CEP170: variants seen among roughly 807,000 people sequenced by gnomAD.
CEP170 encodes centrosomal protein of 170 kDa.
Under a neutral mutation model 151.9 loss-of-function variants are expected in CEP170, and 21 were observed. The ratio of observed to expected loss-of-function variants is 0.14; its 90% CI spans 0.10 to 0.20. The LOEUF is 0.20. CEP170 is among the 10% of genes least tolerant of loss of function. CEP170 has a pLI of 1.00. For missense variants in CEP170, 964 were observed against 1,892.9 expected (o/e 0.51, Z 9.11); for synonymous variants, 356 against 648.8 (o/e 0.55, Z 6.86).
At chr1:243,138,368 C>T (rs2055391104) in intron 16 of CEP170, among the ~76,000 whole-genome samples, 1 of 149,836 alleles carries the variant, frequency 6.7e-6, no homozygotes, top group Admixed American at 6.6e-5. Flanking sequence ...TAGTATACTT[C>T]AGTTGTAACT....
chr1:243,212,507 A>G (rs1558603908), intron 3 of CEP170, among the ~76,000 whole-genome samples: 1 of 152,134 alleles, frequency 6.6e-6, no homozygotes, highest in Non-Finnish European at 1.5e-5. Flanking sequence ...GGTTTCAGTG[A>G]TCTTATTTTT....
rs555153454 is a variant in CEP170 at position 243,145,420 on chromosome 1, G to A, written c.3912-2957C>T. On this transcript the variant is annotated intron_variant, in intron 14 of 19. Coordinates refer to ENST00000366542, the MANE Select transcript of CEP170 (RefSeq NM_014812.3). ...CTACCGAGTAGCCAGGATTACAGGC[G>A]TGCACCACCACGCCCGGCTAATTTT... Among the ~76,000 whole-genome samples the A allele has an allele frequency of 2.7e-3, 412 of 152,238 alleles. 1 individual carries two copies. The highest frequency in any genetic ancestry group is 8.9e-3 in the African/African-American group (371 of 41,546).
chr1:243,179,284 CCT>C (rs1484689719), intron 10 of CEP170, among the ~76,000 whole-genome samples: 2 of 152,108 alleles, frequency 1.3e-5, no homozygotes, highest in African/African-American at 2.4e-5. Flanking sequence ...TCATGTATCC[CCT>C]CTTACAGTCC....
At chr1:243,188,919 A>G (rs2060101268) in intron 8 of CEP170, among the ~76,000 whole-genome samples, 2 of 152,234 alleles carry the variant, frequency 1.3e-5, no homozygotes, top group African/African-American at 2.4e-5. Flanking sequence ...AGAAAGTCAC[A>G]TGTCATTTAT....
rs573123585 is a variant in CEP170 at position 243,171,648 on chromosome 1, T to C, written c.1716+1049A>G. 8.9e-3 allele frequency among the ~76,000 whole-genome samples: 1,351 copies of C among 152,314 alleles called. 19 individuals are homozygous for C. Among genetic ancestry groups the C allele is most frequent in the African/African-American group, 0.031 (1,303 of 41,584 alleles). ...CTTATGCCTTAGATACTTTTTTACA[T>C]TTCTTTTTGACACATCAATGTGGTA... On this transcript the variant is annotated intron_variant, in intron 11 of 19. Transcript: ENST00000366542.
intron 4 of CEP170, among the ~76,000 whole-genome samples, chr1:243,206,186 T>G (rs2061408585): frequency 6.6e-6 from 1 of 152,140 alleles, no homozygotes; most frequent in Non-Finnish European, 1.5e-5. Flanking sequence ...CAGGCTGGAG[T>G]GCAGAGGTAC....
chr1:243,159,219 T>G (rs1221317811), intron 13 of CEP170, among the ~76,000 whole-genome samples: 2 of 152,092 alleles, frequency 1.3e-5, no homozygotes, highest in Non-Finnish European at 2.9e-5. Flanking sequence ...TAAAAATCAT[T>G]AAGTAATTAA....
intron 7 of CEP170, among the ~76,000 whole-genome samples, chr1:243,193,316 T>C (rs2060432355): frequency 3.9e-5 from 6 of 152,080 alleles, no homozygotes. Flanking sequence ...ATCAAGTCCA[T>C]ACAGTACAAC....
intron 10 of CEP170, among the ~76,000 whole-genome samples, chr1:243,181,132 C>A (rs1238796295): frequency 1.3e-5 from 2 of 152,128 alleles, no homozygotes; most frequent in African/African-American, 4.8e-5. Context: ...TAGGAAGTAA[C>A]CCTGACAAGG....
At chr1:243,220,005 G>T (rs2062646624) in intron 3 of CEP170, among the ~76,000 whole-genome samples, 1 of 152,182 alleles carries the variant, frequency 6.6e-6, no homozygotes. Context: ...GAGGAGTTGA[G>T]AATCAAAATT....
intron 12 of CEP170, among the ~76,000 whole-genome samples, chr1:243,166,359 C>T (rs1200061493): frequency 6.6e-6 from 1 of 152,116 alleles, no homozygotes; most frequent in Non-Finnish European, 1.5e-5. Flanking sequence ...ATACCTAATA[C>T]AATGTAAAAG....
intron 13 of CEP170, 92 bp from the exon 14 acceptor site, chr1:243,156,547 G>A (rs565809260): frequency 4.1e-5 from 47 of 1,150,694 alleles, no homozygotes; most frequent in Admixed American, 1.1e-4. Context: ...CCATGAGAGC[G>A]CACACACGGC....
At chr1:243,168,373 A>G (rs974309785) in intron 12 of CEP170, 3 of 152,048 alleles carry the variant, frequency 2.0e-5, no homozygotes, top group Admixed American at 6.5e-5. Context: ...AGCCACATAC[A>G]AAATCTCATT....
Position 243,164,836 on chromosome 1 carries a change from A to G in CEP170, c.3124T>C (p.Ser1042Pro). 1.9e-6 allele frequency: 3 copies of G among 1,612,916 alleles called. No individual in the cohort carries two copies. Among genetic ancestry groups the G allele is most frequent in the Non-Finnish European group, 2.5e-6 (3 of 1,179,112 alleles). The change falls in exon 13 of 20, where the codon TCT (serine) becomes CCT (proline). Residue 1042 changes from serine (S) to proline (P), a missense_variant. Physicochemically the swap from Ser to Pro is moderately conservative, Grantham distance 74 (BLOSUM62 -1). Transcript: ENST00000366542. ...PHSAISDIMSSDQETYSCKPH... is the reference protein window; with the variant it reads ...PHSAISDIMSPDQETYSCKPH... ...TTACAAGAGTAAGTTTCTTGATCAG[A>G]TGACATAATATCAGAGATGGCAGAA...
chr1:243,204,852 T>A (rs1481337799), intron 4 of CEP170, among the ~76,000 whole-genome samples: 7 of 152,066 alleles, frequency 4.6e-5, no homozygotes, highest in African/African-American at 1.7e-4. Flanking sequence ...ATGCCCCAAA[T>A]CAACTTCTCA....
intron 10 of CEP170, among the ~76,000 whole-genome samples, chr1:243,179,653 T>G (rs1186512034): frequency 1.3e-5 from 2 of 152,218 alleles, no homozygotes; most frequent in African/African-American, 2.4e-5. Context: ...TTGAAATAAG[T>G]TAGCCAATCT....
At chr1:243,218,724 A>G (rs1241469029) in intron 3 of CEP170, among the ~76,000 whole-genome samples, 1 of 152,236 alleles carries the variant, frequency 6.6e-6, no homozygotes, top group Non-Finnish European at 1.5e-5. Flanking sequence ...CATAATAAAA[A>G]TAACTTACAT....
At chr1:243,175,842 G>A (rs548661814) in intron 10 of CEP170, among the ~76,000 whole-genome samples, 87 of 152,206 alleles carry the variant, frequency 5.7e-4, no homozygotes, top group Non-Finnish European at 9.6e-4. Context: ...TGTCGCCCAG[G>A]CCGGAGTGCA....
chr1:243,127,728 T>C (rs2053874619), intron 19 of CEP170, among the ~76,000 whole-genome samples: 1 of 152,266 alleles, frequency 6.6e-6, no homozygotes, highest in Non-Finnish European at 1.5e-5. Flanking sequence ...TACATAGGCA[T>C]TAATGCACAG....
Sources: gnomAD v4.1 joint callset for allele counts (sites outside exome capture counted in the v4.1 genomes callset) on GRCh38, gnomAD v4.1.1 for gene constraint, MANE v1.5 for transcripts, NCBI Gene and HGNC (gene_info 2026-07-23, HGNC 2026-07-21) for gene names.